The following TJP1 variants were observed in gnomAD, a reference collection of about 807,000 sequenced individuals.
TJP1 encodes tight junction protein ZO-1.
In TJP1, 43 loss-of-function variants were observed where a neutral mutation model predicts 194.2. The observed-to-expected ratio is 0.22, with a 90% confidence interval of 0.17 to 0.29. The LOEUF (loss-of-function observed/expected upper bound fraction) is 0.29, where lower values mean the gene tolerates loss of function less well. Among genes scored for constraint, TJP1 ranks in the 10% least tolerant of loss-of-function variants. The probability of loss-of-function intolerance (pLI) is 1.00; values close to 1 mark genes in which losing one functional copy is unlikely to be tolerated. For synonymous variants in TJP1, 801 were observed against 779.0 expected, an observed-to-expected ratio of 1.03 and a Z score of -0.47; for missense variants, 1,971 against 2,185.7, an observed-to-expected ratio of 0.90 and a Z score of 1.96.
chr15:29,945,938 C>T (rs564997306), intron 2 of TJP1, among the ~76,000 whole-genome samples: 1 of 152,156 alleles, frequency 6.6e-6, no homozygotes, highest in Non-Finnish European at 1.5e-5. Flanking sequence ...AATAAGCACA[C>T]TGAACCCCCT....
chr15:29,766,059 C>T (rs1419286648), intron 5 of TJP1, among the ~76,000 whole-genome samples: 3 of 152,222 alleles, frequency 2.0e-5, no homozygotes, highest in African/African-American at 7.2e-5. Flanking sequence ...AAGCCAAGCC[C>T]TGGACAATTC....
intron 2 of TJP1, among the ~76,000 whole-genome samples, chr15:29,798,418 A>C (rs2048558392): frequency 6.6e-6 from 1 of 152,166 alleles, no homozygotes; most frequent in Admixed American, 6.5e-5. Flanking sequence ...GGCACCCATA[A>C]TCTGAAAATC....
At chr15:29,889,666 G>C (rs891022748) in intron 2 of TJP1, among the ~76,000 whole-genome samples, 1 of 152,146 alleles carries the variant, frequency 6.6e-6, no homozygotes, top group Non-Finnish European at 1.5e-5. Context: ...TAGGCTCCAC[G>C]GAGCAGGCAC....
chr15:29,712,765 G>A (rs1356512916), intron 23 of TJP1, among the ~76,000 whole-genome samples: 1 of 148,666 alleles, frequency 6.7e-6, no homozygotes, highest in Non-Finnish European at 1.5e-5. Flanking sequence ...TGGTGATCAA[G>A]GATAATTAGC....
intron 1 of TJP1, among the ~76,000 whole-genome samples, chr15:29,962,773 A>G (rs2056204055): frequency 6.6e-6 from 1 of 152,262 alleles, no homozygotes; most frequent in South Asian, 2.1e-4. Flanking sequence ...CTCATGTAAT[A>G]GGTTAACAGT....
In TJP1 at chr15:29,720,646, A is replaced by C. The variant is rs1200560760; in HGVS notation, c.2475T>G (p.Ala825=). 1.9e-6 allele frequency: 3 copies of C among 1,613,932 alleles called. No individual in the cohort carries two copies. The highest frequency in any genetic ancestry group is 2.5e-6 in the Non-Finnish European group (3 of 1,179,980). Residue 825 remains alanine, a synonymous_variant, in exon 19 of 28, where the codon GCT becomes GCG. Transcript: ENST00000614355. ...TATACATTGAGTATTCACTACCTGG[A>C]GCTGACAGGTAGGACAGACGATCAT... ...LHDDRLSYLS[A]PGSEYSMYST...
intron 9 of TJP1, 41 bp downstream of exon 9, chr15:29,742,601 C>G: frequency 6.7e-7 from 1 of 1,503,516 alleles, no homozygotes; most frequent in Admixed American, 2.3e-5. Context: ...CTTCACTCTA[C>G]TTGCAAATGT....
intron 2 of TJP1, among the ~76,000 whole-genome samples, chr15:29,895,875 T>TTCAA (rs2053460501): frequency 6.6e-6 from 1 of 152,178 alleles, no homozygotes; most frequent in Admixed American, 6.5e-5. Context: ...CTCTGGAGGC[T>TTCAA]GAGAAGTCCA....
chr15:29,928,956 A>G (rs545792497), intron 2 of TJP1, among the ~76,000 whole-genome samples: 1 of 152,096 alleles, frequency 6.6e-6, no homozygotes, highest in Admixed American at 6.5e-5. Flanking sequence ...AAAAACCAAA[A>G]CAAAACACAC....
intron 2 of TJP1, among the ~76,000 whole-genome samples, chr15:29,924,801 G>GGCCA (rs1333417956): frequency 1.4e-5 from 2 of 147,670 alleles, no homozygotes; most frequent in African/African-American, 5.4e-5. Context: ...TTAACCCTAG[G>GGCCA]GCCGGTTTGC....
intron 1 of TJP1, among the ~76,000 whole-genome samples, chr15:29,814,616 T>C (rs929304668): frequency 7.2e-5 from 11 of 152,180 alleles, no homozygotes; most frequent in African/African-American, 1.4e-4. Context: ...TTTTCAGTCT[T>C]TGGGAATTTA....
chr15:29,719,820 C>G lies in TJP1; in HGVS notation c.2960G>C (p.Arg987Thr), dbSNP rs2151128891. The change falls in exon 20 of 28, where the codon AGA becomes ACA. Residue 987 changes from arginine (R) to threonine (T), a missense_variant. This residue lies in a region of TJP1 where 1,108 missense variants were observed against 1,128.5 expected (regional missense o/e 0.98). Coordinates refer to ENST00000614355, the MANE Select transcript of TJP1 (RefSeq NM_001330239.4). ...CGACGACAATGATGGTTCTTGATCT[C>G]TTAGCATTATGTGAGCTGCCTCAGT... Reference protein sequence around the residue: ...PSTEAAHIMLRDQEPSLSSHV... With the variant: ...PSTEAAHIMLTDQEPSLSSHV... The G allele has an allele frequency of 1.2e-6, 2 of 1,614,104 alleles. No homozygotes were observed. Among genetic ancestry groups the G allele is most frequent in the African/African-American group, 1.3e-5 (1 of 75,052 alleles).
intron 2 of TJP1, among the ~76,000 whole-genome samples, chr15:29,845,252 T>G (rs1168162812): frequency 6.6e-6 from 1 of 152,158 alleles, no homozygotes; most frequent in Non-Finnish European, 1.5e-5. Context: ...AAGACAATAT[T>G]GGTCAGGCTA....
At chr15:29,837,697 A>G (rs2051082002) in intron 2 of TJP1, among the ~76,000 whole-genome samples, 1 of 152,256 alleles carries the variant, frequency 6.6e-6, no homozygotes, top group Non-Finnish European at 1.5e-5. Flanking sequence ...AAAAGATAGT[A>G]CCTATATTTA....
chr15:29,902,439 T>TA (rs35623216), intron 2 of TJP1, among the ~76,000 whole-genome samples: 1 of 152,148 alleles, frequency 6.6e-6, no homozygotes, highest in Non-Finnish European at 1.5e-5. Context: ...CTTCATTTTT[T>TA]AAAAAAACTT....
intron 6 of TJP1, 49 bp from the exon 7 acceptor site, chr15:29,761,818 A>C (rs2151532920): frequency 7.0e-7 from 1 of 1,436,326 alleles, no homozygotes; most frequent in East Asian, 2.4e-5. Flanking sequence ...TAAAATACAA[A>C]TGTTAACTTA....
At chr15:29,712,775 C>T (rs1208765310) in intron 23 of TJP1, among the ~76,000 whole-genome samples, 4 of 146,038 alleles carry the variant, frequency 2.7e-5, no homozygotes, top group African/African-American at 1.0e-4. Flanking sequence ...GGATAATTAG[C>T]AGGTTCTGAA....
intron 2 of TJP1, among the ~76,000 whole-genome samples, chr15:29,886,703 A>G (rs2053126875): frequency 6.6e-6 from 1 of 152,084 alleles, no homozygotes; most frequent in African/African-American, 2.4e-5. Context: ...AAACTATAAA[A>G]TAAGTAATAA....
chr15:29,877,347 G>A (rs2052739698), intron 2 of TJP1, among the ~76,000 whole-genome samples: 1 of 152,192 alleles, frequency 6.6e-6, no homozygotes, highest in African/African-American at 2.4e-5. Flanking sequence ...GTCCTGAGTA[G>A]CTGCGACTGC....
Sources: gnomAD v4.1 joint callset for allele counts (sites outside exome capture counted in the v4.1 genomes callset) on GRCh38, gnomAD v4.1.1 for gene constraint, gnomAD v4.1.1 regional missense constraint, MANE v1.5 for transcripts, NCBI Gene and HGNC (gene_info 2026-07-23, HGNC 2026-07-21) for gene names.